The following ARSB variants were observed in gnomAD, a reference collection of about 807,000 sequenced individuals.
ARSB encodes the protein N-acetylgalactosamine-4-sulfatase.
Under a neutral mutation model 50.9 loss-of-function variants are expected in ARSB, and 41 were observed. The ratio of observed to expected loss-of-function variants is 0.81; its 90% CI spans 0.63 to 1.04. The LOEUF (loss-of-function observed/expected upper bound fraction) is 1.04. Ranked by LOEUF, ARSB falls within the 50% of genes least tolerant of loss-of-function variation. ARSB has a pLI of 0.00. For missense variants in ARSB, 672 were observed against 693.3 expected (o/e 0.97, Z 0.35); for synonymous variants, 269 against 284.8 (o/e 0.94, Z 0.56).
At chr5:78,885,014 A>G (rs1747940787) in intron 5 of ARSB, 1 of 152,836 alleles carries the variant, frequency 6.5e-6, no homozygotes, top group South Asian at 2.1e-4. Context: ...CACAACTGGC[A>G]GTCATCTTGC....
At chr5:78,908,656 T>C (rs1338863453) in intron 4 of ARSB, among the ~76,000 whole-genome samples, 1 of 151,924 alleles carries the variant, frequency 6.6e-6, no homozygotes, top group Non-Finnish European at 1.5e-5. Context: ...CGGGAGCCAG[T>C]GCTCCCAACC....
intron 4 of ARSB, among the ~76,000 whole-genome samples, chr5:78,952,858 C>T (rs1416837845): frequency 6.6e-6 from 1 of 152,178 alleles, no homozygotes; most frequent in Non-Finnish European, 1.5e-5. Flanking sequence ...ACTTCCAATT[C>T]TTGCAACAAT....
chr5:78,832,363 G>A (rs1744732565), intron 6 of ARSB, among the ~76,000 whole-genome samples: 1 of 152,170 alleles, frequency 6.6e-6, no homozygotes, highest in Admixed American at 6.5e-5. Context: ...GGGAGAGGCT[G>A]TGTCCATGCC....
intron 4 of ARSB, among the ~76,000 whole-genome samples, chr5:78,904,823 G>C (rs940411574): frequency 1.3e-5 from 2 of 151,560 alleles, no homozygotes; most frequent in Non-Finnish European, 2.9e-5. Context: ...TGAGTAGCTG[G>C]GACGACAGGC....
chr5:78,839,416 G>A lies in ARSB; in HGVS notation c.1153C>T (p.Pro385Ser). 3 of 1,613,566 alleles carry A rather than the reference G, an allele frequency of 1.9e-6. No individual in the cohort carries two copies. Among genetic ancestry groups the A allele is most frequent in the Non-Finnish European group, 2.5e-6 (3 of 1,179,718 alleles). Residue 385 changes from proline to serine, a missense_variant, in exon 6 of 8, where the codon CCA becomes TCA. Pro to Ser is a moderately conservative substitution (Grantham distance 74). Transcript: ENST00000264914. ...DVWKTISEGS[P>S]SPRIELLHNI... ...TGCAGCAGCTCAATTCTGGGGGATGGGCTTCCTTCACTGGAAAACAATTTT... is the reference window on the plus strand; with the variant it reads ...TGCAGCAGCTCAATTCTGGGGGATGAGCTTCCTTCACTGGAAAACAATTTT...
intron 7 of ARSB, among the ~76,000 whole-genome samples, chr5:78,781,323 C>CTTTTTTTTTTTTTT (rs376851173): frequency 1.3e-4 from 10 of 75,318 alleles, no homozygotes; most frequent in Admixed American, 2.0e-4. Context: ...CTCTCTCTCT[C>CTTTTTTTTTTTTTT]TTTTTTTTTT....
intron 6 of ARSB, among the ~76,000 whole-genome samples, chr5:78,826,733 T>A (rs1176193266): frequency 6.6e-6 from 1 of 152,192 alleles, no homozygotes; most frequent in Non-Finnish European, 1.5e-5. Flanking sequence ...TTACCCCTCA[T>A]GTATTAAAGG....
At chr5:78,929,019 T>C (rs1200911750) in intron 4 of ARSB, among the ~76,000 whole-genome samples, 1 of 152,114 alleles carries the variant, frequency 6.6e-6, no homozygotes, top group African/African-American at 2.4e-5. Flanking sequence ...GTCCATTGCC[T>C]ACCTACATCT....
At chr5:78,834,988 A>C (rs1175784426) in intron 6 of ARSB, among the ~76,000 whole-genome samples, 41 of 79,930 alleles carry the variant, frequency 5.1e-4, no homozygotes, top group Admixed American at 9.4e-4. Flanking sequence ...TCCTTTTTCC[A>C]CTCTCTCTCC....
At chr5:78,836,432 G>A (rs1441530333) in intron 6 of ARSB, among the ~76,000 whole-genome samples, 2 of 152,176 alleles carry the variant, frequency 1.3e-5, no homozygotes, top group Non-Finnish European at 2.9e-5. Context: ...GGCCTGGGTG[G>A]GCTCCAGAGA....
At chr5:78,815,722 G>A in intron 6 of ARSB, 1 of 1,119,708 alleles carries the variant, frequency 8.9e-7, no homozygotes, top group Non-Finnish European at 1.1e-6. Context: ...AAGTATAAAG[G>A]GCTTGCATTT....
intron 5 of ARSB, among the ~76,000 whole-genome samples, chr5:78,853,490 T>C (rs566356704): frequency 6.6e-6 from 1 of 152,258 alleles, no homozygotes; most frequent in African/African-American, 2.4e-5. Context: ...CCCGGTTAGG[T>C]TGCTCGGGGT....
chr5:78,913,644 A>T (rs952897489), intron 4 of ARSB, among the ~76,000 whole-genome samples: 1 of 152,202 alleles, frequency 6.6e-6, no homozygotes, highest in African/African-American at 2.4e-5. Context: ...ATATAGGCTC[A>T]GTGTTACATA....
At chr5:78,901,878 A>G (rs1748826689) in intron 4 of ARSB, among the ~76,000 whole-genome samples, 1 of 152,244 alleles carries the variant, frequency 6.6e-6, no homozygotes, top group Non-Finnish European at 1.5e-5. Flanking sequence ...GACAATTGAC[A>G]AGTGGTGGTA....
At chr5:78,948,656 G>A (rs1326081625) in intron 4 of ARSB, among the ~76,000 whole-genome samples, 4 of 152,054 alleles carry the variant, frequency 2.6e-5, no homozygotes, top group African/African-American at 7.2e-5. Flanking sequence ...TCTAGAAATA[G>A]GTGCATTTAC....
At chr5:78,879,169 T>G (rs1411144487) in intron 5 of ARSB, among the ~76,000 whole-genome samples, 1 of 152,242 alleles carries the variant, frequency 6.6e-6, no homozygotes, top group Non-Finnish European at 1.5e-5. Flanking sequence ...ATGTTTTACA[T>G]TGTTTAATTA....
intron 4 of ARSB, among the ~76,000 whole-genome samples, chr5:78,904,910 G>C (rs969407308): frequency 1.3e-5 from 2 of 151,768 alleles, no homozygotes; most frequent in African/African-American, 4.8e-5. Flanking sequence ...GGCTGGTCTT[G>C]AACTCCTAGC....
intron 3 of ARSB, among the ~76,000 whole-genome samples, chr5:78,956,549 T>C (rs562684076): frequency 2.0e-5 from 3 of 152,138 alleles, no homozygotes; most frequent in Admixed American, 6.5e-5. Context: ...TTAAAAAATA[T>C]AACAAAAGAC....
At chr5:78,978,697 G>A (rs775649204) in intron 1 of ARSB, among the ~76,000 whole-genome samples, 5 of 152,180 alleles carry the variant, frequency 3.3e-5, no homozygotes, top group South Asian at 2.1e-4. Flanking sequence ...TAAGTCATAC[G>A]TCTATGGTCA....
Sources: gnomAD v4.1 joint callset for allele counts (sites outside exome capture counted in the v4.1 genomes callset) on GRCh38, gnomAD v4.1.1 for gene constraint, MANE v1.5 for transcripts, NCBI Gene and HGNC (gene_info 2026-07-23, HGNC 2026-07-21) for gene names.